The following FKBP5 variants were observed in gnomAD, a reference collection of about 807,000 sequenced individuals.
FKBP5 encodes the protein FKBP prolyl isomerase 5.
A neutral mutation model predicts 50.5 loss-of-function variants in FKBP5; 23 were observed. That is an observed-to-expected ratio of 0.46 (90% CI 0.33 to 0.65). The LOEUF (loss-of-function observed/expected upper bound fraction) is 0.65. FKBP5 is among the 30% of genes least tolerant of loss of function. The pLI, the probability that FKBP5 is intolerant of heterozygous loss-of-function variation, is 0.02. For missense variants in FKBP5, 411 were observed against 553.1 expected (o/e 0.74, Z 2.58); for synonymous variants, 176 against 190.6 (o/e 0.92, Z 0.63).
Position 35,633,451 on chromosome 6 carries a change from G to C in FKBP5, c.250+3563C>G, listed in dbSNP as rs369615681. Among the ~76,000 whole-genome samples the C allele has an allele frequency of 2.7e-5, 4 of 149,460 alleles. No homozygotes were observed. The East Asian group carries it at 8.0e-4, about 30-fold the overall frequency. On this transcript the variant is annotated intron_variant, in intron 3 of 10. Coordinates refer to ENST00000357266, the MANE Select transcript of FKBP5 (RefSeq NM_004117.4). ...CCAGATACTGGGGAGGCTGAGGCACGAGAATCACTTGAGCCCCAGAGGCAG... is the reference window on the plus strand; with the variant it reads ...CCAGATACTGGGGAGGCTGAGGCACCAGAATCACTTGAGCCCCAGAGGCAG...
chr6:35,652,156 C>T (rs1764819286), intron 1 of FKBP5, among the ~76,000 whole-genome samples: 1 of 152,168 alleles, frequency 6.6e-6, no homozygotes, highest in South Asian at 2.1e-4. Context: ...TTTCCTATGC[C>T]TGTCTTTACT....
intron 3 of FKBP5, among the ~76,000 whole-genome samples, chr6:35,620,908 A>G (rs927670252): frequency 1.1e-4 from 17 of 152,162 alleles, no homozygotes; most frequent in African/African-American, 4.1e-4. Context: ...ATAAGCGCAA[A>G]TTTTCTAGGC....
rs1420805050 is a variant in FKBP5 at position 35,640,033 on chromosome 6, A to C, written c.105+2687T>G. On this transcript the variant is annotated intron_variant, in intron 2 of 10. Transcript: ENST00000357266. ...GATGGAAGAATCAAGAGATGCTCTG[A>C]TTGTCTCACCACATTGTTGTAAGAA... is the stretch of plus-strand genomic sequence containing the variant. 3.9e-5 allele frequency among the ~76,000 whole-genome samples: 6 copies of C among 152,362 alleles called. No homozygotes were observed. The East Asian group carries it at 1.2e-3, about 29-fold the overall frequency.
At chr6:35,715,286 C>A (rs1766491912) in intron 2 of FKBP5, among the ~76,000 whole-genome samples, 1 of 152,218 alleles carries the variant, frequency 6.6e-6, no homozygotes, top group Admixed American at 6.5e-5. Context: ...CACTCCGCCA[C>A]TTACTAGGCA....
chr6:35,689,835 CAAAACA>C (rs1765949404), upstream of FKBP5, among the ~76,000 whole-genome samples: 1 of 151,716 alleles, frequency 6.6e-6, no homozygotes, highest in Non-Finnish European at 1.5e-5. Context: ...GACTCCATCT[CAAAACA>C]AAAACAAAAA....
At chr6:35,579,538 G>A (rs1561841624) in intron 9 of FKBP5, among the ~76,000 whole-genome samples, 1 of 152,078 alleles carries the variant, frequency 6.6e-6, no homozygotes, top group Non-Finnish European at 1.5e-5. Flanking sequence ...GTATTAATAA[G>A]ACAAATGTAA....
At chr6:35,687,306 C>T (rs1765855319) in intron 1 of FKBP5, among the ~76,000 whole-genome samples, 1 of 152,034 alleles carries the variant, frequency 6.6e-6, no homozygotes. Context: ...TTGGTCAGGG[C>T]CATAATTGCA....
At chr6:35,615,672 TACC>T (rs1339509818) in intron 5 of FKBP5, among the ~76,000 whole-genome samples, 2 of 152,192 alleles carry the variant, frequency 1.3e-5, no homozygotes, top group Non-Finnish European at 2.9e-5. Context: ...ATAGAAAATT[TACC>T]ATTAGTCAAA....
chr6:35,691,233 C>G (rs773964021), upstream of FKBP5, among the ~76,000 whole-genome samples: 3 of 151,956 alleles, frequency 2.0e-5, no homozygotes, highest in African/African-American at 7.3e-5. Flanking sequence ...GCTCTTCCTA[C>G]GAGAGGCAGG....
intron 8 of FKBP5, chr6:35,586,787 C>G: frequency 7.2e-7 from 1 of 1,379,616 alleles, no homozygotes. Context: ...GATGCCAGAC[C>G]TGGTCTGCCT....
intron 2 of FKBP5, among the ~76,000 whole-genome samples, chr6:35,717,904 A>T (rs1171319321): frequency 6.6e-6 from 1 of 152,218 alleles, no homozygotes; most frequent in Non-Finnish European, 1.5e-5. Flanking sequence ...CAGCAGAAGG[A>T]AGACATCAGT....
At chr6:35,723,985 GT>G (rs548289364) in intron 1 of FKBP5, among the ~76,000 whole-genome samples, 490 of 152,362 alleles carry the variant, frequency 3.2e-3, no homozygotes, top group Middle Eastern at 0.01. Context: ...TCTTGCTTCA[GT>G]TTTCCCAGCA....
At chr6:35,601,824 C>T (rs764884540) in intron 5 of FKBP5, among the ~76,000 whole-genome samples, 1 of 152,096 alleles carries the variant, frequency 6.6e-6, no homozygotes, top group African/African-American at 2.4e-5. Flanking sequence ...GATGCTTCTA[C>T]TTAGGGCTTT....
At chr6:35,599,505 T>A (rs1438294644) in intron 5 of FKBP5, among the ~76,000 whole-genome samples, 1 of 152,198 alleles carries the variant, frequency 6.6e-6, no homozygotes, top group African/African-American at 2.4e-5. Context: ...TGCTAAATCT[T>A]CTCTGTATTG....
Position 35,642,826 on chromosome 6 carries a change from GTCTTT to G in FKBP5, c.-7_-3del. 1 of 1,610,126 alleles carries G rather than the reference GTCTTT, an allele frequency of 6.2e-7. No individual in the cohort carries two copies. The highest frequency in any genetic ancestry group is 2.2e-5 in the East Asian group (1 of 44,840). On this transcript the variant is annotated 5_prime_UTR_variant, in exon 2 of 11. Coordinates refer to ENST00000357266, the MANE Select transcript of FKBP5 (RefSeq NM_004117.4). ...CTTGGCACCTTCATCAGTAGTCATT[GTCTTT>G]TAAGTAGAGAACCTGGTAAGAAGAA...
intron 5 of FKBP5, 112 bp from the exon 6 acceptor site, chr6:35,597,516 A>T: frequency 1.6e-6 from 2 of 1,261,478 alleles, no homozygotes; most frequent in Non-Finnish European, 2.1e-6. Context: ...CCCCTTTCTC[A>T]TTTCATCAAG....
intron 2 of FKBP5, among the ~76,000 whole-genome samples, chr6:35,694,044 G>T (rs996480686): frequency 6.6e-6 from 1 of 151,716 alleles, no homozygotes; most frequent in Admixed American, 6.6e-5. Flanking sequence ...TCTCTATGCT[G>T]CCCAGGCTGG....
At chr6:35,721,697 GC>G (rs369491391) in intron 1 of FKBP5, among the ~76,000 whole-genome samples, 141 of 152,244 alleles carry the variant, frequency 9.3e-4, no homozygotes, top group African/African-American at 3.2e-3. Context: ...CAGGTGATCT[GC>G]CCGCCTCGGC....
chr6:35,673,008 C>T (rs1471432743), intron 1 of FKBP5, among the ~76,000 whole-genome samples: 4 of 151,742 alleles, frequency 2.6e-5, no homozygotes, highest in Non-Finnish European at 4.4e-5. Context: ...TTTAAACATA[C>T]GTTTCCAGGG....
Sources: allele counts gnomAD v4.1 joint callset (sites outside exome capture counted in the v4.1 genomes callset), GRCh38; gene constraint gnomAD v4.1.1; transcripts MANE v1.5; gene names NCBI Gene and HGNC (gene_info 2026-07-23, HGNC 2026-07-21).